The following EFR3A variants were observed in gnomAD, a reference collection of about 807,000 sequenced individuals.
The protein encoded by EFR3A is EFR3 homolog A.
EFR3A carries 76 observed loss-of-function variants against 104.4 expected under a neutral mutation model. The observed-to-expected ratio is 0.73, with a 90% CI of 0.60 to 0.88. The LOEUF (loss-of-function observed/expected upper bound fraction) is 0.88, where lower values mean the gene tolerates loss of function less well. Among genes scored for constraint, EFR3A ranks in the 40% least tolerant of loss-of-function variants. The pLI, the probability that EFR3A is intolerant of heterozygous loss-of-function variation, is 0.00. For synonymous variants in EFR3A, 330 were observed against 330.0 expected, an observed-to-expected ratio of 1.00 and a Z score of 0.00; for missense variants, 985 against 1,012.5, an observed-to-expected ratio of 0.97 and a Z score of 0.37.
At chr8:131,914,708 CAG>C (rs921184770) in intron 1 of EFR3A, among the ~76,000 whole-genome samples, 3 of 151,886 alleles carry the variant, frequency 2.0e-5, no homozygotes, top group Admixed American at 2.0e-4. Context: ...ACTCGTGTCA[CAG>C]GGGATTGTTG....
intron 8 of EFR3A, 139 bp downstream of exon 8, chr8:131,959,802 T>C: frequency 1.9e-6 from 1 of 527,880 alleles, no homozygotes. Context: ...TCATTCATTT[T>C]CATTTGCTAC....
intron 5 of EFR3A, 100 bp downstream of exon 5, chr8:131,950,190 C>A: frequency 8.1e-7 from 1 of 1,234,744 alleles, no homozygotes; most frequent in Non-Finnish European, 1.1e-6. Context: ...AATAATATGC[C>A]TGAAATACGG....
intron 10 of EFR3A, among the ~76,000 whole-genome samples, chr8:131,972,894 G>T (rs907652820): frequency 2.0e-5 from 3 of 151,760 alleles, no homozygotes; most frequent in Non-Finnish European, 4.4e-5. Context: ...GAAGTTTATG[G>T]ATATGCATAC....
chr8:131,968,905 T>A (rs2130696342), intron 9 of EFR3A, among the ~76,000 whole-genome samples: 1 of 152,210 alleles, frequency 6.6e-6, no homozygotes, highest in East Asian at 1.9e-4. Flanking sequence ...GAGAAGTGGC[T>A]TTAAAATTAA....
At chr8:131,924,032 T>C (rs1057373050) in intron 1 of EFR3A, 2 of 330,450 alleles carry the variant, frequency 6.1e-6, no homozygotes, top group Non-Finnish European at 1.2e-5. Context: ...AGTAAGTCCC[T>C]GATACTTACT....
At chr8:131,914,158 C>T (rs1310923616) in intron 1 of EFR3A, among the ~76,000 whole-genome samples, 1 of 152,172 alleles carries the variant, frequency 6.6e-6, no homozygotes, top group African/African-American at 2.4e-5. Flanking sequence ...ACACTCCAGG[C>T]AAATGTATAA....
chr8:131,976,807 T>C (rs1820347311), intron 11 of EFR3A, among the ~76,000 whole-genome samples: 1 of 152,180 alleles, frequency 6.6e-6, no homozygotes. Context: ...TGTCATCAGA[T>C]GCATAGGACT....
rs776597379 is a variant in EFR3A, at chr8:131,904,184, ACCCTTCG to A, written c.-112_-106del. ...CGCGGGGTCCGCGTCCGCTCCCTCC[ACCCTTCG>A]CCCTTCGCCCTTCGCCTCGTTCCGG... On this transcript the variant is annotated 5_prime_UTR_variant, in exon 1 of 23. Coordinates refer to ENST00000254624, the MANE Select transcript of EFR3A (RefSeq NM_015137.6). The A allele has an allele frequency of 5.0e-5, 54 of 1,083,764 alleles. No individual in the cohort carries two copies. The highest frequency in any genetic ancestry group is 9.8e-5 in the African/African-American group (6 of 61,040). The allele number at this position is 1,083,764 out of a possible 1,614,324, so 67.1% of individuals were successfully genotyped here.
intron 4 of EFR3A, among the ~76,000 whole-genome samples, chr8:131,947,243 G>T (rs1352406795): frequency 6.6e-6 from 1 of 151,806 alleles, no homozygotes; most frequent in Admixed American, 6.6e-5. Context: ...TCTCATTGTG[G>T]TTTTGATTTT....
chr8:131,984,395 A>G (rs1395452776), intron 15 of EFR3A, 95 bp downstream of exon 15: 1 of 1,207,048 alleles, frequency 8.3e-7, no homozygotes, highest in East Asian at 2.5e-5. Flanking sequence ...TGAATTTTAA[A>G]AGGGAGGTAT....
At chr8:131,984,345 G>C in intron 15 of EFR3A, 45 bp downstream of exon 15, 1 of 1,453,310 alleles carries the variant, frequency 6.9e-7, no homozygotes, top group Non-Finnish European at 9.1e-7. Context: ...TTTTTATAAA[G>C]CAGACAACAT....
At chr8:131,939,705 A>G (rs1316629100) in intron 1 of EFR3A, among the ~76,000 whole-genome samples, 2 of 152,132 alleles carry the variant, frequency 1.3e-5, no homozygotes, top group Non-Finnish European at 2.9e-5. Context: ...TTTTCAGGTT[A>G]TAAGCTTCTT....
At chr8:131,999,140 G>A (rs575987309) in intron 19 of EFR3A, among the ~76,000 whole-genome samples, 14 of 152,154 alleles carry the variant, frequency 9.2e-5, no homozygotes, top group Admixed American at 7.9e-4. Context: ...GGCATGGGCA[G>A]GATGTTATAT....
At chr8:131,913,900 T>G (rs1417404126) in intron 1 of EFR3A, among the ~76,000 whole-genome samples, 1 of 152,260 alleles carries the variant, frequency 6.6e-6, no homozygotes, top group East Asian at 1.9e-4. Context: ...GGCCCATTTA[T>G]GACATCTGAC....
At chr8:131,912,207 A>T (rs1816543475) in intron 1 of EFR3A, among the ~76,000 whole-genome samples, 1 of 152,148 alleles carries the variant, frequency 6.6e-6, no homozygotes, top group Non-Finnish European at 1.5e-5. Flanking sequence ...TGGTACTAGA[A>T]CCCAGCTCAT....
chr8:131,920,542 A>G (rs1816958363), intron 1 of EFR3A, among the ~76,000 whole-genome samples: 1 of 152,190 alleles, frequency 6.6e-6, no homozygotes, highest in Admixed American at 6.5e-5. Context: ...ACAGATTCTC[A>G]AGCAGGATGT....
chr8:131,966,155 A>G (rs1387019564), intron 8 of EFR3A, among the ~76,000 whole-genome samples: 3 of 152,174 alleles, frequency 2.0e-5, no homozygotes, highest in Non-Finnish European at 4.4e-5. Context: ...GCACATGTAT[A>G]CATATGTCAC....
At chr8:131,987,544 T>A (rs1403282707) in intron 17 of EFR3A, 31 bp from the exon 18 acceptor site, 42 of 1,567,752 alleles carry the variant, frequency 2.7e-5, no homozygotes, top group Non-Finnish European at 3.4e-5. Flanking sequence ...AATTTAATAC[T>A]GAATGATTGT....
chr8:131,929,460 TTC>T lies in EFR3A; in HGVS notation c.11-11037_11-11036del, dbSNP rs773794647. The stretch of plus-strand genomic sequence containing the variant: ...CTCCTCTTTGCCTAATTTCTACTTT[TTC>T]TTCAAGACTTAATTTAGTCATTACT... On this transcript the variant is annotated intron_variant, in intron 1 of 22. Transcript: ENST00000254624. Among the ~76,000 whole-genome samples, 8 of 152,308 alleles carry T rather than the reference TTC, an allele frequency of 5.3e-5. No individual in the cohort carries two copies. In the East Asian group the frequency reaches 1.5e-3, roughly 29 times the overall value.
Sources: gnomAD v4.1 joint callset for allele counts (sites outside exome capture counted in the v4.1 genomes callset) on GRCh38, gnomAD v4.1.1 for gene constraint, MANE v1.5 for transcripts, NCBI Gene and HGNC (gene_info 2026-07-23, HGNC 2026-07-21) for gene names.